TBC1D5: variants seen among roughly 807,000 people sequenced by gnomAD.
TBC1D5 encodes TBC1 domain family member 5.
A neutral mutation model predicts 100.3 loss-of-function variants in TBC1D5; 75 were observed. The ratio of observed to expected loss-of-function variants is 0.75; its 90% CI spans 0.62 to 0.91. TBC1D5 has a LOEUF of 0.91. Among genes scored for constraint, TBC1D5 ranks in the 40% least tolerant of loss-of-function variants. The probability of loss-of-function intolerance (pLI) is 0.00; values close to 1 mark genes in which losing one functional copy is unlikely to be tolerated. For missense variants in TBC1D5, 910 were observed against 942.4 expected (o/e 0.97, Z 0.45); for synonymous variants, 323 against 325.6 (o/e 0.99, Z 0.09).
chr3:17,653,036 C>T (rs1486246105), intron 1 of TBC1D5, among the ~76,000 whole-genome samples: 6 of 152,068 alleles, frequency 3.9e-5, no homozygotes, highest in Admixed American at 1.3e-4. Flanking sequence ...GCTAAGTGAA[C>T]GAAGATAGAC....
chr3:17,450,040 G>T (rs1236445039), intron 3 of TBC1D5, among the ~76,000 whole-genome samples: 5 of 152,142 alleles, frequency 3.3e-5, no homozygotes, highest in African/African-American at 1.2e-4. Flanking sequence ...GAAGGGGCAG[G>T]CCGCAATCTT....
intron 1 of TBC1D5, among the ~76,000 whole-genome samples, chr3:17,637,607 A>G (rs2064086982): frequency 6.6e-6 from 1 of 152,090 alleles, no homozygotes; most frequent in Admixed American, 6.6e-5. Context: ...AGAAAAAAGG[A>G]CAAAAAGTGA....
At chr3:17,496,447 TGCACACACACACAC>T (rs920862476) in intron 3 of TBC1D5, among the ~76,000 whole-genome samples, 2 of 151,640 alleles carry the variant, frequency 1.3e-5, no homozygotes, top group Admixed American at 6.6e-5. Context: ...TATACATACA[TGCACACACACACAC>T]GCACACACAC....
chr3:17,572,146 G>A (rs1290681663), intron 2 of TBC1D5, among the ~76,000 whole-genome samples: 2 of 151,622 alleles, frequency 1.3e-5, no homozygotes, highest in East Asian at 3.9e-4. Flanking sequence ...GAGTCTGAAG[G>A]CTTTCCCTGC....
chr3:17,670,953 T>G (rs2067868018), intron 1 of TBC1D5, among the ~76,000 whole-genome samples: 1 of 152,184 alleles, frequency 6.6e-6, no homozygotes, highest in African/African-American at 2.4e-5. Context: ...GGTGCTGCAG[T>G]TTATCACAAA....
At chr3:17,410,850 G>T (rs1393811485) in intron 4 of TBC1D5, among the ~76,000 whole-genome samples, 3 of 152,138 alleles carry the variant, frequency 2.0e-5, no homozygotes, top group African/African-American at 7.2e-5. Flanking sequence ...GGAATCTACT[G>T]CTGGTGAAGG....
intron 3 of TBC1D5, among the ~76,000 whole-genome samples, chr3:17,441,628 G>A (rs2094658775): frequency 6.6e-6 from 1 of 152,120 alleles, no homozygotes; most frequent in African/African-American, 2.4e-5. Context: ...GGTTTTAATG[G>A]GAGGAAGTCT....
chr3:17,649,978 T>A (rs2065382722), intron 1 of TBC1D5, among the ~76,000 whole-genome samples: 1 of 151,880 alleles, frequency 6.6e-6, no homozygotes, highest in African/African-American at 2.4e-5. Context: ...AAAGGATGAG[T>A]TCATGTCCTT....
intron 21 of TBC1D5, among the ~76,000 whole-genome samples, chr3:17,162,033 A>G (rs2066110416): frequency 6.6e-6 from 1 of 152,190 alleles, no homozygotes; most frequent in Admixed American, 6.5e-5. Context: ...TAACTTACTT[A>G]ATAAAGTTAA....
intron 4 of TBC1D5, among the ~76,000 whole-genome samples, chr3:17,425,773 T>C (rs1183040002): frequency 2.0e-5 from 3 of 152,126 alleles, no homozygotes; most frequent in South Asian, 4.1e-4. Flanking sequence ...TCTCAACATA[T>C]GTTAGAGAAG....
intron 4 of TBC1D5, among the ~76,000 whole-genome samples, chr3:17,417,270 C>G (rs1407977085): frequency 2.0e-5 from 3 of 151,574 alleles, no homozygotes; most frequent in Admixed American, 6.6e-5. Context: ...ATACATGTGC[C>G]ATGCTGGTGT....
At chr3:17,351,690 C>A (rs1457844424) in intron 13 of TBC1D5, among the ~76,000 whole-genome samples, 1 of 151,732 alleles carries the variant, frequency 6.6e-6, no homozygotes, top group Non-Finnish European at 1.5e-5. Context: ...AACAAACCTG[C>A]ACGTTCTGCA....
intron 2 of TBC1D5, among the ~76,000 whole-genome samples, chr3:17,577,175 G>T (rs1022180558): frequency 2.0e-5 from 3 of 151,974 alleles, no homozygotes; most frequent in African/African-American, 2.4e-5. Context: ...ATTGAAGGCA[G>T]TCTTTAAAGT....
chr3:17,691,295 A>G (rs558680228), intron 1 of TBC1D5, among the ~76,000 whole-genome samples: 2 of 152,190 alleles, frequency 1.3e-5, no homozygotes, highest in South Asian at 4.1e-4. Context: ...AATTCCTGGC[A>G]ACCATTAATC....
rs575830250 is a variant in TBC1D5, at chr3:17,587,161, T to A, written c.-36+36688A>T. Among the ~76,000 whole-genome samples the A allele has an allele frequency of 7.9e-5, 12 of 152,094 alleles. No homozygotes were observed. In the East Asian group the frequency reaches 2.3e-3, roughly 29 times the overall value. On this transcript the variant is annotated intron_variant, in intron 2 of 21. Coordinates refer to ENST00000253692, the Ensembl canonical transcript of TBC1D5. ...TTTCATCTTTAGTAATACACCTCCA[T>A]AAATAATCATACACACAGATATATT...
chr3:17,505,790 T>C (rs1389071276), intron 3 of TBC1D5, among the ~76,000 whole-genome samples: 1 of 152,208 alleles, frequency 6.6e-6, no homozygotes, highest in Non-Finnish European at 1.5e-5. Flanking sequence ...TTGTCAGTTA[T>C]TAAACTTTGA....
chr3:17,275,154 A>G (rs917860108), intron 15 of TBC1D5, among the ~76,000 whole-genome samples: 1 of 152,192 alleles, frequency 6.6e-6, no homozygotes, highest in African/African-American at 2.4e-5. Context: ...AACAATGAGA[A>G]GTAAATCTGA....
At chr3:17,412,614 AT>A (rs773631163) in intron 4 of TBC1D5, among the ~76,000 whole-genome samples, 1 of 152,174 alleles carries the variant, frequency 6.6e-6, no homozygotes. Flanking sequence ...ACATAAAAAA[AT>A]ATACTTACAA....
intron 2 of TBC1D5, among the ~76,000 whole-genome samples, chr3:17,539,708 G>A (rs376714200): frequency 3.3e-5 from 5 of 152,274 alleles, no homozygotes; most frequent in Middle Eastern, 6.8e-3. Context: ...TGGCTGAGAC[G>A]AAGGGTTCAT....
Sources: gnomAD v4.1 joint callset for allele counts (sites outside exome capture counted in the v4.1 genomes callset) on GRCh38, gnomAD v4.1.1 for gene constraint, MANE v1.5 for transcripts, NCBI Gene and HGNC (gene_info 2026-07-23, HGNC 2026-07-21) for gene names.